Variants in DLG2 observed in about 807,000 individuals in gnomAD.
The protein encoded by DLG2 is disks large homolog 2.
DLG2 carries 45 observed loss-of-function variants against 132.5 expected under a neutral mutation model. The ratio of observed to expected loss-of-function variants is 0.34; its 90% CI spans 0.27 to 0.44. The LOEUF (loss-of-function observed/expected upper bound fraction) is 0.44. DLG2 is among the 20% of genes least tolerant of loss of function. The pLI is 1.00. For synonymous variants in DLG2, 424 were observed against 419.6 expected (o/e 1.01, Z -0.13); for missense variants, 1,045 against 1,196.9 (o/e 0.87, Z 1.87).
intron 6 of DLG2, among the ~76,000 whole-genome samples, chr11:84,901,301 C>G (rs1269852384): frequency 1.3e-5 from 2 of 151,974 alleles, no homozygotes; most frequent in Non-Finnish European, 2.9e-5. Flanking sequence ...GGGTCACAGG[C>G]TGAGAAGGAA....
intron 3 of DLG2, among the ~76,000 whole-genome samples, chr11:85,568,435 A>C (rs2077655421): frequency 6.6e-6 from 1 of 152,222 alleles, no homozygotes; most frequent in South Asian, 2.1e-4. Flanking sequence ...TGGACCTCAT[A>C]GAATTAATTA....
In DLG2 at chr11:84,324,301, A is replaced by G. The variant is rs550592078; in HGVS notation, c.520-73010T>C. Among the ~76,000 whole-genome samples, 22 of 152,188 alleles carry G rather than the reference A, an allele frequency of 1.4e-4. No individual in the cohort carries two copies. The East Asian group carries it at 4.2e-3, about 29-fold the overall frequency. On this transcript the variant is annotated intron_variant, in intron 7 of 27. Transcript: ENST00000376104. ...TCTGTTTCCCAACATTATTTGTTAA[A>G]AGAGACTCTTCTTTCCCCATGTGTA...
At chr11:84,310,109 C>T (rs1257388835) in intron 7 of DLG2, among the ~76,000 whole-genome samples, 2 of 152,108 alleles carry the variant, frequency 1.3e-5, no homozygotes, top group African/African-American at 4.8e-5. Context: ...CAGGGGAATG[C>T]CAGTACTCCC....
intron 4 of DLG2, among the ~76,000 whole-genome samples, chr11:85,206,094 A>G (rs933758602): frequency 2.6e-5 from 4 of 151,996 alleles, no homozygotes; most frequent in African/African-American, 9.7e-5. Context: ...ATGAGTTCTC[A>G]TGAGATCTGG....
At chr11:85,598,568 G>T in intron 3 of DLG2, 89 bp downstream of exon 3, 2 of 854,892 alleles carry the variant, frequency 2.3e-6, no homozygotes, top group African/African-American at 1.8e-5. Context: ...TTTGAAACTT[G>T]GTTAACATCA....
At chr11:83,981,745 T>C (rs909721918) in intron 11 of DLG2, among the ~76,000 whole-genome samples, 2 of 152,216 alleles carry the variant, frequency 1.3e-5, no homozygotes, top group Admixed American at 1.3e-4. Context: ...CCAAAAACTT[T>C]AAAATGTATA....
chr11:83,783,069 C>A (rs1224461443), intron 18 of DLG2, among the ~76,000 whole-genome samples: 1 of 152,172 alleles, frequency 6.6e-6, no homozygotes, highest in African/African-American at 2.4e-5. Flanking sequence ...TTATTTTCCT[C>A]TTCTTATGAA....
At chr11:83,578,363 A>G (rs528406495) in intron 19 of DLG2, among the ~76,000 whole-genome samples, 1 of 152,020 alleles carries the variant, frequency 6.6e-6, no homozygotes, top group Non-Finnish European at 1.5e-5. Context: ...AGAAAAAAAG[A>G]GAATAGAGAA....
chr11:84,963,167 G>A (rs2052829235), intron 6 of DLG2, among the ~76,000 whole-genome samples: 1 of 152,090 alleles, frequency 6.6e-6, no homozygotes, highest in Admixed American at 6.6e-5. Context: ...AACTTTTTGA[G>A]AGCCTTTAGG....
intron 4 of DLG2, among the ~76,000 whole-genome samples, chr11:85,164,463 A>G (rs924628490): frequency 6.6e-6 from 1 of 152,120 alleles, no homozygotes; most frequent in African/African-American, 2.4e-5. Flanking sequence ...CTGATTCTCT[A>G]TTTGTTTATG....
chr11:84,840,742 C>A (rs963290308), intron 6 of DLG2, among the ~76,000 whole-genome samples: 1 of 151,896 alleles, frequency 6.6e-6, no homozygotes, highest in Non-Finnish European at 1.5e-5. Flanking sequence ...ATCACAAGGA[C>A]AGAAAAGCAA....
At chr11:84,429,567 T>C (rs1048660598) in intron 7 of DLG2, among the ~76,000 whole-genome samples, 4 of 152,170 alleles carry the variant, frequency 2.6e-5, no homozygotes, top group African/African-American at 9.7e-5. Flanking sequence ...TTTATAATGG[T>C]TTAATAATTA....
Position 85,195,547 on chromosome 11 carries a change from G to A in DLG2, c.187-40896C>T, listed in dbSNP as rs537907810. Among the ~76,000 whole-genome samples the A allele has an allele frequency of 1.9e-4, 27 of 141,004 alleles. 1 individual carries two copies. In the South Asian group the frequency reaches 4.9e-3, roughly 26 times the overall value. 92.5% of individuals were successfully genotyped at this position (141,004 alleles called of 152,430 possible). A position where few individuals can be genotyped will look rare whatever the true frequency, so the allele number is the denominator to read the frequency against. Reference sequence around the variant, plus strand: ...TGTTTTTTTTTTTTTTTTTTGAGACGGAGTCTCGCTCTGTGGCCCAGGCGG... The same window carrying A: ...TGTTTTTTTTTTTTTTTTTTGAGACAGAGTCTCGCTCTGTGGCCCAGGCGG... On this transcript the variant is annotated intron_variant, in intron 4 of 27. Coordinates refer to ENST00000376104, the MANE Select transcript of DLG2 (RefSeq NM_001142699.3).
intron 6 of DLG2, among the ~76,000 whole-genome samples, chr11:84,818,985 A>C (rs1390840980): frequency 6.6e-6 from 1 of 151,582 alleles, no homozygotes; most frequent in Admixed American, 6.6e-5. Flanking sequence ...GCAGAAGCTA[A>C]TACATTTAAT....
chr11:83,863,516 A>G (rs893859444), intron 16 of DLG2, among the ~76,000 whole-genome samples: 10 of 152,118 alleles, frequency 6.6e-5, no homozygotes, highest in African/African-American at 2.4e-4. Context: ...CCTGGCGTGG[A>G]GGAGGAAGAA....
chr11:85,055,458 C>G (rs1309607209), intron 6 of DLG2, among the ~76,000 whole-genome samples: 1 of 152,124 alleles, frequency 6.6e-6, no homozygotes, highest in African/African-American at 2.4e-5. Context: ...CATCTTTTCC[C>G]CTCAGCTCAT....
chr11:85,453,659 G>C (rs2092326298), intron 3 of DLG2: 1 of 152,726 alleles, frequency 6.5e-6, no homozygotes, highest in Non-Finnish European at 1.5e-5. Context: ...CTCTCCAAGA[G>C]TGTGCTCTGC....
At chr11:84,365,646 T>G in intron 7 of DLG2, among the ~76,000 whole-genome samples, 1 of 152,020 alleles carries the variant, frequency 6.6e-6, no homozygotes, top group Non-Finnish European at 1.5e-5. Flanking sequence ...CTTGTGGGCA[T>G]TGAGTGCTAT....
chr11:84,459,484 G>C (rs1312138878), intron 7 of DLG2, among the ~76,000 whole-genome samples: 1 of 150,422 alleles, frequency 6.6e-6, no homozygotes, highest in African/African-American at 2.4e-5. Context: ...AAATTTTTAG[G>C]TGTATGTACT....
Sources: gnomAD v4.1 joint callset for allele counts (sites outside exome capture counted in the v4.1 genomes callset) on GRCh38, gnomAD v4.1.1 for gene constraint, MANE v1.5 for transcripts, NCBI Gene and HGNC (gene_info 2026-07-23, HGNC 2026-07-21) for gene names.